CSMD1: variants seen among roughly 807,000 people sequenced by gnomAD.
CSMD1 encodes the protein CUB and sushi domain-containing protein 1.
In CSMD1, 213 loss-of-function variants were observed where a neutral mutation model predicts 417.5. The ratio of observed to expected loss-of-function variants is 0.51; its 90% CI spans 0.46 to 0.57. The LOEUF (loss-of-function observed/expected upper bound fraction) is 0.57, where lower values mean the gene tolerates loss of function less well. Ranked by LOEUF, CSMD1 falls within the 20% of genes least tolerant of loss-of-function variation. CSMD1 has a pLI of 0.00. For missense variants in CSMD1, 6,923 were observed against 4,529.7 expected (o/e 1.53, Z -15.17); for synonymous variants, 2,862 against 1,736.8 (o/e 1.65, Z -16.11).
chr8:3,761,176 G>C lies in CSMD1; in HGVS notation c.819-7134C>G, dbSNP rs188777410. ...TACAACTGTTCCAAGTCTTATTTTG[G>C]ACATTAGGAAAAGCGACAATGAACT... On this transcript the variant is annotated intron_variant, in intron 5 of 69. Coordinates refer to ENST00000635120, the MANE Select transcript of CSMD1 (RefSeq NM_033225.6). 3.7e-4 allele frequency among the ~76,000 whole-genome samples: 57 copies of C among 152,138 alleles called. No individual in the cohort carries two copies. The East Asian group carries it at 0.01, about 27-fold the overall frequency.
intron 2 of CSMD1, among the ~76,000 whole-genome samples, chr8:4,620,770 G>A (rs1470451867): frequency 6.6e-6 from 1 of 151,636 alleles, no homozygotes; most frequent in Non-Finnish European, 1.5e-5. Flanking sequence ...GGGAAACATA[G>A]CATTAACTAC....
At chr8:4,917,395 G>C (rs1230477172) in intron 1 of CSMD1, among the ~76,000 whole-genome samples, 1 of 152,208 alleles carries the variant, frequency 6.6e-6, no homozygotes, top group African/African-American at 2.4e-5. Flanking sequence ...AGCACTTTGG[G>C]AGGCCAAGGT....
intron 1 of CSMD1, among the ~76,000 whole-genome samples, chr8:4,758,951 G>A (rs374198616): frequency 2.6e-5 from 4 of 152,262 alleles, no homozygotes; most frequent in South Asian, 2.1e-4. Flanking sequence ...GACGGTGGAG[G>A]GTTTGCCTGT....
At chr8:4,178,717 G>T (rs2460374) in intron 3 of CSMD1, among the ~76,000 whole-genome samples, 26 of 152,308 alleles carry the variant, frequency 1.7e-4, no homozygotes, top group South Asian at 1.7e-3. Flanking sequence ...TAAGCTGATA[G>T]GCAACTTCAG....
intron 8 of CSMD1, among the ~76,000 whole-genome samples, chr8:3,586,466 C>T (rs2117001251): frequency 6.6e-6 from 1 of 152,218 alleles, no homozygotes; most frequent in South Asian, 2.1e-4. Flanking sequence ...GTTCAGATTC[C>T]TGTTGTGCCA....
chr8:3,505,773 T>C lies in CSMD1; in HGVS notation c.1345-12047A>G, dbSNP rs7002703. ...TCTACTTAGCAAACAGGCTATTTTA[T>C]GTGAGAAGGAAGAGAAAATATTTAC... On this transcript the variant is annotated intron_variant, in intron 10 of 69. Coordinates refer to ENST00000635120, the MANE Select transcript of CSMD1 (RefSeq NM_033225.6). Among the ~76,000 whole-genome samples the C allele has an allele frequency of 4.2e-3, 637 of 152,324 alleles. 4 individuals carry two copies. The highest frequency in any genetic ancestry group is 0.014 in the African/African-American group (596 of 41,578).
chr8:4,307,727 A>C (rs1194179881), intron 3 of CSMD1, among the ~76,000 whole-genome samples: 1 of 152,186 alleles, frequency 6.6e-6, no homozygotes, highest in Non-Finnish European at 1.5e-5. Context: ...ATGAGTGGGA[A>C]TGAATACCTA....
intron 3 of CSMD1, among the ~76,000 whole-genome samples, chr8:4,304,618 A>G (rs1349538907): frequency 2.6e-5 from 4 of 152,190 alleles, no homozygotes; most frequent in Admixed American, 2.0e-4. Flanking sequence ...CTCATTTTAT[A>G]CAGATCAGAT....
At chr8:3,350,407 G>C (rs1459217098) in intron 21 of CSMD1, among the ~76,000 whole-genome samples, 4 of 152,094 alleles carry the variant, frequency 2.6e-5, no homozygotes, top group South Asian at 2.1e-4. Context: ...CTGAAGCATA[G>C]AATAGTTTAC....
intron 7 of CSMD1, among the ~76,000 whole-genome samples, chr8:3,684,006 C>G (rs543276611): frequency 7.3e-5 from 11 of 150,900 alleles, no homozygotes; most frequent in Non-Finnish European, 1.3e-4. Context: ...AGAACACATT[C>G]AAATTAATGG....
chr8:3,733,029 G>A (rs1310734520), intron 6 of CSMD1, among the ~76,000 whole-genome samples: 2 of 151,930 alleles, frequency 1.3e-5, no homozygotes, highest in East Asian at 3.9e-4. Flanking sequence ...AGGGAAATCT[G>A]ACTTGGGAAT....
intron 5 of CSMD1, among the ~76,000 whole-genome samples, chr8:3,966,436 T>C (rs1040312603): frequency 1.3e-5 from 2 of 152,130 alleles, no homozygotes; most frequent in African/African-American, 4.8e-5. Flanking sequence ...TTATATATAA[T>C]TACCTACATA....
intron 3 of CSMD1, among the ~76,000 whole-genome samples, chr8:4,043,827 A>G (rs1012592760): frequency 3.3e-5 from 5 of 152,218 alleles, no homozygotes; most frequent in East Asian, 1.9e-4. Context: ...ATGAGGCATC[A>G]TTATTCCAAT....
chr8:3,564,548 T>TGTGTGTGTGTGC (rs1351897386), intron 10 of CSMD1, among the ~76,000 whole-genome samples: 250 of 152,048 alleles, frequency 1.6e-3, no homozygotes, highest in African/African-American at 5.8e-3. Context: ...TGTGTGTGTG[T>TGTGTGTGTGTGC]GTATAATACA....
At chr8:3,225,836 T>C (rs747669033) in intron 27 of CSMD1, among the ~76,000 whole-genome samples, 12 of 152,202 alleles carry the variant, frequency 7.9e-5, no homozygotes, top group Non-Finnish European at 5.9e-5. Context: ...TTGCTTAGGT[T>C]TTAATTAGCT....
At chr8:4,762,753 G>A (rs74459264) in intron 1 of CSMD1, among the ~76,000 whole-genome samples, 5,175 of 152,156 alleles carry the variant, frequency 0.034, 126 homozygotes, top group Non-Finnish European at 0.048. Flanking sequence ...CAGTGCTCCT[G>A]CAGCCTGAAT....
At chr8:4,097,936 T>C (rs1801107210) in intron 3 of CSMD1, among the ~76,000 whole-genome samples, 1 of 152,188 alleles carries the variant, frequency 6.6e-6, no homozygotes, top group South Asian at 2.1e-4. Flanking sequence ...AAGGTAAAGT[T>C]AATTTCTGTT....
intron 3 of CSMD1, among the ~76,000 whole-genome samples, chr8:4,061,826 T>C (rs1002227617): frequency 6.6e-6 from 1 of 152,220 alleles, no homozygotes; most frequent in Non-Finnish European, 1.5e-5. Flanking sequence ...TGCTTCACTT[T>C]AGAAGAAATA....
chr8:4,483,077 G>C (rs1041086025), intron 2 of CSMD1, among the ~76,000 whole-genome samples: 1 of 152,130 alleles, frequency 6.6e-6, no homozygotes, highest in African/African-American at 2.4e-5. Flanking sequence ...CATGTGTTGT[G>C]GGAGATAATT....
Sources: gnomAD v4.1 joint callset for allele counts (sites outside exome capture counted in the v4.1 genomes callset) on GRCh38, gnomAD v4.1.1 for gene constraint, MANE v1.5 for transcripts, NCBI Gene and HGNC (gene_info 2026-07-23, HGNC 2026-07-21) for gene names.